The following STARD13 variants were observed in gnomAD, a reference collection of about 807,000 sequenced individuals.
STARD13 encodes stAR-related lipid transfer protein 13.
STARD13 carries 62 observed loss-of-function variants against 106.4 expected under a neutral mutation model. The ratio of observed to expected loss-of-function variants is 0.58; its 90% CI spans 0.48 to 0.72. The LOEUF (loss-of-function observed/expected upper bound fraction) is 0.72, where lower values mean the gene tolerates loss of function less well. Ranked by LOEUF, STARD13 falls within the 30% of genes least tolerant of loss-of-function variation. STARD13 has a pLI of 0.00. For synonymous variants in STARD13, 565 were observed against 553.0 expected (o/e 1.02, Z -0.31); for missense variants, 1,387 against 1,424.0 (o/e 0.97, Z 0.42).
chr13:33,553,973 G>C, the STARD13 span, among the ~76,000 whole-genome samples: 1 of 152,064 alleles, frequency 6.6e-6, no homozygotes, highest in Non-Finnish European at 1.5e-5. Flanking sequence ...TTTTTTAAAA[G>C]ATTTCTATTT....
chr13:33,134,480 C>A (rs1230495205), intron 4 of STARD13, among the ~76,000 whole-genome samples: 5 of 152,152 alleles, frequency 3.3e-5, no homozygotes, highest in Non-Finnish European at 7.3e-5. Context: ...CTGAAGGAAG[C>A]ATGTCTCAAG....
the STARD13 span, among the ~76,000 whole-genome samples, chr13:33,457,709 A>G: frequency 5.3e-5 from 8 of 152,264 alleles, no homozygotes; most frequent in Admixed American, 2.6e-4. Flanking sequence ...TCTTTTTGCT[A>G]TGTTCCAACA....
chr13:33,110,998 C>T, intron 10 of STARD13, 91 bp from the exon 11 acceptor site: 1 of 1,178,390 alleles, frequency 8.5e-7, no homozygotes, highest in South Asian at 1.3e-5. Context: ...CACAACCCGG[C>T]TCTGAGCCAC....
At chr13:33,521,871 A>G in the STARD13 span, among the ~76,000 whole-genome samples, 2 of 152,194 alleles carry the variant, frequency 1.3e-5, no homozygotes, top group Non-Finnish European at 2.9e-5. Context: ...ATGAAAAAAA[A>G]TACTATTAGG....
chr13:33,180,027 C>A (rs1445230966), intron 1 of STARD13, among the ~76,000 whole-genome samples: 1 of 152,236 alleles, frequency 6.6e-6, no homozygotes, highest in Non-Finnish European at 1.5e-5. Context: ...CCTGGAGATT[C>A]TTACACGACA....
chr13:33,529,040 C>G, the STARD13 span, among the ~76,000 whole-genome samples: 2 of 151,984 alleles, frequency 1.3e-5, no homozygotes, highest in Admixed American at 1.3e-4. Context: ...TTTTTTGGCT[C>G]ATATTTTACA....
At chr13:33,447,114 G>T in the STARD13 span, among the ~76,000 whole-genome samples, 13 of 152,136 alleles carry the variant, frequency 8.5e-5, no homozygotes, top group Non-Finnish European at 1.3e-4. Flanking sequence ...ACTTTTTCTG[G>T]ATCCAGTTTA....
At chr13:33,535,728 T>C in the STARD13 span, among the ~76,000 whole-genome samples, 2 of 152,222 alleles carry the variant, frequency 1.3e-5, no homozygotes, top group Non-Finnish European at 2.9e-5. Context: ...GAAGTAAATA[T>C]GTTCTAGCCC....
the STARD13 span, among the ~76,000 whole-genome samples, chr13:33,575,507 G>T: frequency 6.6e-6 from 1 of 152,182 alleles, no homozygotes; most frequent in Non-Finnish European, 1.5e-5. Flanking sequence ...CTGCTGTGGT[G>T]ATGTTGGGAG....
chr13:33,467,546 G>A, the STARD13 span, among the ~76,000 whole-genome samples: 2 of 152,124 alleles, frequency 1.3e-5, no homozygotes, highest in East Asian at 3.9e-4. Context: ...TCTGGTCTAA[G>A]CACAGCAGTA....
intron 1 of STARD13, among the ~76,000 whole-genome samples, chr13:33,339,125 A>T (rs2077931105): frequency 6.6e-6 from 1 of 152,156 alleles, no homozygotes; most frequent in Admixed American, 6.5e-5. Context: ...TAATCCTCAT[A>T]ACAACCCTCT....
chr13:33,296,302 C>T (rs1892491075), intron 1 of STARD13, among the ~76,000 whole-genome samples: 1 of 152,070 alleles, frequency 6.6e-6, no homozygotes, highest in Non-Finnish European at 1.5e-5. Context: ...GTTAATTCCA[C>T]TGCAGACATC....
chr13:33,459,496 A>T, the STARD13 span, among the ~76,000 whole-genome samples: 1 of 152,180 alleles, frequency 6.6e-6, no homozygotes, highest in Non-Finnish European at 1.5e-5. Context: ...CTGTCTACTC[A>T]TTTGTCTGCT....
intron 1 of STARD13, among the ~76,000 whole-genome samples, chr13:33,223,517 G>C (rs1219626970): frequency 6.6e-6 from 1 of 152,074 alleles, no homozygotes; most frequent in African/African-American, 2.4e-5. Context: ...AAATTAGCCA[G>C]GTGAGGTGGT....
At chr13:33,199,242 A>G (rs1206795845) in intron 1 of STARD13, among the ~76,000 whole-genome samples, 1 of 152,236 alleles carries the variant, frequency 6.6e-6, no homozygotes, top group East Asian at 1.9e-4. Context: ...CCTGATTACA[A>G]CAAAAATCAT....
chr13:33,270,727 T>G (rs116672277), intron 1 of STARD13, among the ~76,000 whole-genome samples: 1,604 of 152,290 alleles, frequency 0.011, 41 homozygotes, highest in African/African-American at 0.037. Flanking sequence ...CTCATATTAT[T>G]CCTTTGTTTT....
chr13:33,448,498 T>C, the STARD13 span, among the ~76,000 whole-genome samples: 1 of 152,186 alleles, frequency 6.6e-6, no homozygotes, highest in Admixed American at 6.5e-5. Flanking sequence ...TTAAGCTCAT[T>C]CAACCACTGA....
At chr13:33,175,725 G>A (rs970307840) in intron 1 of STARD13, among the ~76,000 whole-genome samples, 1 of 152,138 alleles carries the variant, frequency 6.6e-6, no homozygotes, top group African/African-American at 2.4e-5. Context: ...ACCACCACTA[G>A]GAAGTCAGAT....
intron 1 of STARD13, among the ~76,000 whole-genome samples, chr13:33,306,774 A>C (rs933324605): frequency 2.6e-5 from 4 of 152,172 alleles, no homozygotes; most frequent in African/African-American, 9.6e-5. Flanking sequence ...ACATGGTGAA[A>C]CTCTGTCTCT....
Sources: gnomAD v4.1 joint callset for allele counts (sites outside exome capture counted in the v4.1 genomes callset) on GRCh38, gnomAD v4.1.1 for gene constraint, MANE v1.5 for transcripts, NCBI Gene and HGNC (gene_info 2026-07-23, HGNC 2026-07-21) for gene names.